The following FAM20C variants were observed in gnomAD, a reference collection of about 807,000 sequenced individuals.
FAM20C encodes the protein FAM20C golgi associated secretory pathway kinase.
A neutral mutation model predicts 51.5 loss-of-function variants in FAM20C; 40 were observed. The ratio of observed to expected loss-of-function variants is 0.78; its 90% confidence interval spans 0.60 to 1.01. FAM20C has a LOEUF of 1.01. FAM20C is among the 50% of genes least tolerant of loss of function. The probability of loss-of-function intolerance (pLI) is 0.00; values close to 1 mark genes in which losing one functional copy is unlikely to be tolerated. For missense variants in FAM20C, 861 were observed against 844.7 expected (o/e 1.02, Z -0.24); for synonymous variants, 406 against 380.6 (o/e 1.07, Z -0.78).
chr7:235,431 A>G (rs1253607305), intron 3 of FAM20C, among the ~76,000 whole-genome samples: 1 of 152,196 alleles, frequency 6.6e-6, no homozygotes, highest in African/African-American at 2.4e-5. Context: ...TGCAGGTGTG[A>G]GTCTCAGGAC....
chr7:213,202 G>A (rs565279930), intron 3 of FAM20C, among the ~76,000 whole-genome samples: 1 of 134,570 alleles, frequency 7.4e-6, no homozygotes, highest in Non-Finnish European at 1.7e-5. Flanking sequence ...CTGTGGAGTT[G>A]TGCAGTGTGT....
At position 212,495 on chromosome 7, in the gene FAM20C, G is replaced by T. The variant is rs541169732; in HGVS notation, c.863+3519G>T. On this transcript the variant is annotated intron_variant, in intron 3 of 9. Coordinates refer to ENST00000313766, the MANE Select transcript of FAM20C (RefSeq NM_020223.4). ...AAAGTTTTCTTTAGTAAAGGACTTT[G>T]CTCTCTGCGCTCATCACGGCTCGGT... 7.7e-4 allele frequency among the ~76,000 whole-genome samples: 118 copies of T among 152,304 alleles called. 1 individual carries two copies. The highest frequency in any genetic ancestry group is 2.1e-3 in the Admixed American group (32 of 15,290).
chr7:206,520 A>G (rs1562368003), intron 2 of FAM20C, among the ~76,000 whole-genome samples: 9 of 135,670 alleles, frequency 6.6e-5, no homozygotes, highest in East Asian at 2.3e-4. Flanking sequence ...CGCGTCTGTC[A>G]TGGTCCCCTC....
intron 3 of FAM20C, among the ~76,000 whole-genome samples, chr7:227,241 C>T (rs749721188): frequency 1.3e-5 from 2 of 151,706 alleles, no homozygotes; most frequent in Non-Finnish European, 2.9e-5. Flanking sequence ...CTAATTGTCA[C>T]GAAAGGGAGG....
chr7:253,758 T>C (rs1011303741), intron 5 of FAM20C, among the ~76,000 whole-genome samples: 7 of 147,020 alleles, frequency 4.8e-5, no homozygotes, highest in Non-Finnish European at 1.1e-4. Flanking sequence ...TAATACCCGA[T>C]TTGGATCTGC....
rs1238541374 is a variant in FAM20C, at chr7:260,147, T to C, written c.*167T>C. 4.2e-6 allele frequency: 4 copies of C among 949,106 alleles called. No individual in the cohort carries two copies. The highest frequency in any genetic ancestry group is 5.8e-6 in the Non-Finnish European group (4 of 688,770). The allele number at this position is 949,106 out of a possible 1,614,324, so 58.8% of individuals were successfully genotyped here. On this transcript the variant is annotated 3_prime_UTR_variant, in exon 10 of 10. Transcript: ENST00000313766. ...GGCTCCCCAGGTCTCATAGGACACA[T>C]TTTGTCAGTGTTTGACCAGAAAAGC...
intron 3 of FAM20C, among the ~76,000 whole-genome samples, chr7:222,518 G>A (rs1233166869): frequency 6.6e-6 from 1 of 152,166 alleles, no homozygotes; most frequent in East Asian, 1.9e-4. Context: ...TGAGAGGGGA[G>A]TGCACAGGTG....
chr7:251,155 G>A (rs544483034), intron 5 of FAM20C, among the ~76,000 whole-genome samples: 7 of 150,520 alleles, frequency 4.7e-5, no homozygotes, highest in African/African-American at 9.7e-5. Flanking sequence ...CTGAGTGGCC[G>A]GGCACGGCGG....
At chr7:208,854 G>C in intron 2 of FAM20C, 44 bp from the exon 3 acceptor site, 6 of 1,543,764 alleles carry the variant, frequency 3.9e-6, no homozygotes, top group Non-Finnish European at 5.3e-6. Context: ...AAGAAGGGGC[G>C]TGAGGCCAGA....
intron 3 of FAM20C, among the ~76,000 whole-genome samples, chr7:231,910 A>T (rs1787704548): frequency 6.6e-6 from 1 of 152,006 alleles, no homozygotes; most frequent in South Asian, 2.1e-4. Context: ...CTCTGTGCTG[A>T]GCAGGACACC....
At chr7:237,008 A>G (rs1787869456) in intron 3 of FAM20C, among the ~76,000 whole-genome samples, 1 of 152,156 alleles carries the variant, frequency 6.6e-6, no homozygotes, top group African/African-American at 2.4e-5. Context: ...CTGTTCTAGG[A>G]AAAGGGGCAT....
intron 3 of FAM20C, among the ~76,000 whole-genome samples, chr7:243,822 G>C (rs535384945): frequency 6.6e-6 from 1 of 152,004 alleles, no homozygotes; most frequent in South Asian, 2.1e-4. Context: ...GTTTCCTAGC[G>C]GCTTTATCAG....
chr7:241,590 G>A (rs1199735819), intron 3 of FAM20C, among the ~76,000 whole-genome samples: 1 of 150,544 alleles, frequency 6.6e-6, no homozygotes, highest in South Asian at 2.1e-4. Context: ...GCACTCCTGC[G>A]AGTGTGCATA....
At chr7:195,410 C>G (rs1205614312) in intron 1 of FAM20C, 144 bp from the exon 2 acceptor site, 1 of 671,620 alleles carries the variant, frequency 1.5e-6, no homozygotes, top group Non-Finnish European at 2.2e-6. Flanking sequence ...GTTGCAGGGC[C>G]CTCTTTAAGC....
chr7:213,308 C>T (rs1178602239), intron 3 of FAM20C, among the ~76,000 whole-genome samples: 2 of 150,610 alleles, frequency 1.3e-5, no homozygotes, highest in African/African-American at 4.9e-5. Flanking sequence ...AGTGTGTGGT[C>T]CTTTGTGAGT....
At chr7:257,685 C>T in intron 8 of FAM20C, among the ~76,000 whole-genome samples, 1 of 151,886 alleles carries the variant, frequency 6.6e-6, no homozygotes, top group East Asian at 1.9e-4. Flanking sequence ...GACCCTTCCC[C>T]AGGCCAGAGG....
rs956334438 is a variant in FAM20C, at chr7:208,021, G to A, written c.785-877G>A. The stretch of plus-strand genomic sequence containing the variant: ...CTTGCGGAGCGGCGGGAGCTGCCTC[G>A]CATGAGACAGGTGCTTTCAGCCCCA... On this transcript the variant is annotated intron_variant, in intron 2 of 9. Transcript: ENST00000313766. Among the ~76,000 whole-genome samples the A allele has an allele frequency of 7.2e-5, 11 of 152,306 alleles. No individual in the cohort carries two copies. In the East Asian group the frequency reaches 1.4e-3, roughly 19 times the overall value.
rs189873865 is a variant in FAM20C at position 203,955 on chromosome 7, A to T, written c.785-4943A>T. ...GCTTAATCCGGCTACTAATTTTCTC[A>T]TCGTCACTTCGTTATTATCTTACTA... On this transcript the variant is annotated intron_variant, in intron 2 of 9. Transcript: ENST00000313766. Among the ~76,000 whole-genome samples the T allele has an allele frequency of 4.8e-3, 735 of 152,260 alleles. 5 individuals carry two copies. Among genetic ancestry groups the T allele is most frequent in the Non-Finnish European group, 8.7e-3 (590 of 68,024 alleles).
chr7:222,075 TGCAGGAGCCGTTCTTAGCATCTGGGCACC>T lies in FAM20C; in HGVS notation c.863+13100_863+13128del, dbSNP rs1432623925. Among the ~76,000 whole-genome samples, 62 of 104,838 alleles carry T rather than the reference TGCAGGAGCCGTTCTTAGCATCTGGGCACC, an allele frequency of 5.9e-4. 1 individual carries two copies. Among genetic ancestry groups the T allele is most frequent in the African/African-American group, 1.9e-3 (58 of 31,030 alleles). The allele number at this position is 104,838 out of a possible 152,430, so 68.8% of individuals were successfully genotyped here. ...CCTCGTCTCCAGCAGGGCAGGGGGC[TGCAGGAGCCGTTCTTAGCATCTGGGCACC>T]CGGGAGGGAGGGGCCTGTGGGGAGC... On this transcript the variant is annotated intron_variant, in intron 3 of 9. Transcript: ENST00000313766.
Sources: allele counts gnomAD v4.1 joint callset (sites outside exome capture counted in the v4.1 genomes callset), GRCh38; gene constraint gnomAD v4.1.1; transcripts MANE v1.5; gene names NCBI Gene and HGNC (gene_info 2026-07-23, HGNC 2026-07-21).